DCAF1: variants seen among roughly 807,000 people sequenced by gnomAD.
DCAF1 encodes DDB1- and CUL4-associated factor 1.
A neutral mutation model predicts 128.0 loss-of-function variants in DCAF1; 15 were observed. The observed-to-expected ratio is 0.12, with a 90% CI of 0.08 to 0.18. The LOEUF (loss-of-function observed/expected upper bound fraction) is 0.18. DCAF1 is among the 10% of genes least tolerant of loss of function. DCAF1 has a pLI of 1.00. For missense variants in DCAF1, 988 were observed against 1,649.5 expected, an observed-to-expected ratio of 0.60 and a Z score of 6.95; for synonymous variants, 610 against 603.0, an observed-to-expected ratio of 1.01 and a Z score of -0.17.
intron 2 of DCAF1, among the ~76,000 whole-genome samples, chr3:51,494,114 CT>C (rs1285822599): frequency 2.8e-3 from 380 of 137,606 alleles, no homozygotes; most frequent in Middle Eastern, 3.8e-3. Context: ...ATGAGGTTTC[CT>C]TTTTTTTTTT....
At chr3:51,402,121 TAGA>T (rs2089747020) in intron 24 of DCAF1, among the ~76,000 whole-genome samples, 1 of 152,168 alleles carries the variant, frequency 6.6e-6, no homozygotes, top group Non-Finnish European at 1.5e-5. Flanking sequence ...GGGAAATAAC[TAGA>T]AGAACTGGAG....
At chr3:51,474,816 A>C in intron 3 of DCAF1, among the ~76,000 whole-genome samples, 2 of 131,762 alleles carry the variant, frequency 1.5e-5, no homozygotes, top group East Asian at 2.3e-4. Context: ...ATGGAGTCTC[A>C]CTCTGTCGCC....
Position 51,398,264 on chromosome 3 carries a change from C to T in DCAF1, c.*505G>A, listed in dbSNP as rs971724796. 2.6e-5 allele frequency: 4 copies of T among 151,988 alleles called. No homozygotes were observed. Among genetic ancestry groups the T allele is most frequent in the African/African-American group, 9.7e-5 (4 of 41,398 alleles). The allele number at this position is 151,988 out of a possible 1,614,324, so 9.4% of individuals were successfully genotyped here. A position where few individuals can be genotyped will look rare whatever the true frequency, so the allele number is the denominator to read the frequency against. ...CACGATTTTCCTTTTCATTTAAATA[C>T]GTATGTAAAAATGCCTCTATATTGT... On this transcript the variant is annotated 3_prime_UTR_variant, in exon 25 of 25. Transcript: ENST00000684031.
chr3:51,424,663 G>A (rs183852534), intron 13 of DCAF1, among the ~76,000 whole-genome samples: 31 of 152,218 alleles, frequency 2.0e-4, no homozygotes, highest in Admixed American at 2.0e-3. Flanking sequence ...ATAAACTGCA[G>A]TATAGAAATA....
At position 51,441,660 on chromosome 3, in the gene DCAF1, T is replaced by C. The variant is rs1553638766; in HGVS notation, c.751A>G (p.Ser251Gly). Residue 251 changes from serine to glycine, a missense_variant, in exon 8 of 25, where the codon AGC becomes GGC. Coordinates refer to ENST00000684031, the MANE Select transcript of DCAF1 (RefSeq NM_001387579.1). ...FHLDSGHKTS[S>G]RVNSTTKPED... ...GGTTTGGTTGTTGAGTTCACTCTGC[T>C]ACTAGTCTTGTGGCCTGAATCAAGA... The C allele has an allele frequency of 2.5e-6, 4 of 1,613,884 alleles. No homozygotes were observed. The South Asian group carries it at 3.3e-5, about 13-fold the overall frequency.
At chr3:51,437,340 T>G (rs782255434) in intron 9 of DCAF1, 5 of 499,170 alleles carry the variant, frequency 1.0e-5, no homozygotes, top group African/African-American at 2.1e-5. Context: ...AATTATTTCC[T>G]GGGTTGCAAA....
chr3:51,404,176 A>G (rs189938611), intron 23 of DCAF1, among the ~76,000 whole-genome samples: 45 of 152,330 alleles, frequency 3.0e-4, no homozygotes, highest in Admixed American at 1.4e-3. Context: ...TTCAAAAGGG[A>G]GAGGACACAA....
At chr3:51,396,690 A>T (rs1459409398), downstream of DCAF1, 1 of 167,124 alleles carries the variant, frequency 6.0e-6, no homozygotes, top group Non-Finnish European at 1.5e-5. Context: ...TTAGCCCCTT[A>T]GCACATGTTC....
At chr3:51,496,109 TG>T (rs1382588700) in intron 2 of DCAF1, among the ~76,000 whole-genome samples, 1 of 151,748 alleles carries the variant, frequency 6.6e-6, no homozygotes, top group Non-Finnish European at 1.5e-5. Context: ...CTGACTAATA[TG>T]GAGAAACCCT....
At chr3:51,424,398 G>A (rs1356757162) in intron 13 of DCAF1, among the ~76,000 whole-genome samples, 1 of 148,020 alleles carries the variant, frequency 6.8e-6, no homozygotes, top group Non-Finnish European at 1.5e-5. Context: ...GCAAGACTCT[G>A]CCTCAAAAAA....
In DCAF1 at chr3:51,407,974, G is replaced by A. The variant is rs182321087; in HGVS notation, c.4212+4405C>T. The stretch of plus-strand genomic sequence containing the variant: ...CGCTCCAGCCTGGGTGACAGGGCGA[G>A]ACTCCATCTCAAAAAAAAAAAAAAA... On this transcript the variant is annotated intron_variant, in intron 23 of 24. Transcript: ENST00000684031. 2.5e-3 allele frequency among the ~76,000 whole-genome samples: 233 copies of A among 92,686 alleles called. 2 individuals carry two copies. The highest frequency in any genetic ancestry group is 8.9e-3 in the African/African-American group (207 of 23,272). 60.8% of individuals were successfully genotyped at this position (92,686 alleles called of 152,430 possible).
intron 9 of DCAF1, among the ~76,000 whole-genome samples, chr3:51,433,706 G>A (rs1012244027): frequency 3.3e-5 from 5 of 150,792 alleles, no homozygotes; most frequent in East Asian, 4.1e-4. Flanking sequence ...CAGGTGATCC[G>A]CCCACCTGTG....
At chr3:51,451,144 A>G (rs973082154) in intron 6 of DCAF1, among the ~76,000 whole-genome samples, 4 of 116,580 alleles carry the variant, frequency 3.4e-5, no homozygotes, top group Non-Finnish European at 4.8e-5. Flanking sequence ...GCCGGAATGC[A>G]GTGACATAAT....
At chr3:51,438,973 A>G (rs1482006647) in intron 9 of DCAF1, among the ~76,000 whole-genome samples, 4 of 152,172 alleles carry the variant, frequency 2.6e-5, no homozygotes, top group East Asian at 1.9e-4. Context: ...ACAGTTACCT[A>G]TTGAGGAGAA....
chr3:51,420,413 A>G lies in DCAF1; in HGVS notation c.2557T>C (p.Leu853=), dbSNP rs1553632133. The G allele has an allele frequency of 1.2e-6, 2 of 1,613,950 alleles. No homozygotes were observed. Among genetic ancestry groups the G allele is most frequent in the African/African-American group, 2.7e-5 (2 of 74,944 alleles). Residue 853 remains leucine (L), a synonymous_variant, in exon 15 of 25, where the codon TTG becomes CTG. Coordinates refer to ENST00000684031, the MANE Select transcript of DCAF1 (RefSeq NM_001387579.1). This position sits in a 1 kb window ranked among gnomAD's most constrained non-coding sequence, Gnocchi z 6.5. ...ISFPEKELLL[L]IRNHLISKGL... ...TTAGAAATAAGATGGTTTCGTATCA[A>G]CAAAAGCAGCTCTTTCTCAGGGAAG...
At chr3:51,475,213 T>C (rs1410964460) in intron 3 of DCAF1, among the ~76,000 whole-genome samples, 1 of 151,606 alleles carries the variant, frequency 6.6e-6, no homozygotes, top group Non-Finnish European at 1.5e-5. Flanking sequence ...AATTATATAT[T>C]GTAAAATCTA....
intron 17 of DCAF1, 56 bp downstream of exon 17, chr3:51,418,060 G>T: frequency 5.1e-6 from 8 of 1,554,206 alleles, no homozygotes; most frequent in Admixed American, 2.0e-5. Flanking sequence ...CCAAATGAAG[G>T]GGGGTATAAA....
chr3:51,396,066 A>AAACG, downstream of DCAF1: 1 of 411,612 alleles, frequency 2.4e-6, no homozygotes, highest in Admixed American at 4.4e-5. Context: ...GCTCTCCAAC[A>AAACG]AACGCCTGAG....
intron 23 of DCAF1, among the ~76,000 whole-genome samples, chr3:51,403,996 T>C (rs558284254): frequency 1.3e-5 from 2 of 152,304 alleles, no homozygotes; most frequent in South Asian, 4.2e-4. Context: ...GAAAAAAAAG[T>C]ATGCTGGAGA....
Sources: allele counts gnomAD v4.1 joint callset (sites outside exome capture counted in the v4.1 genomes callset), GRCh38; gene constraint gnomAD v4.1.1; non-coding constraint Gnocchi (gnomAD v3.1); transcripts MANE v1.5; gene names NCBI Gene and HGNC (gene_info 2026-07-23, HGNC 2026-07-21).